The following HYPK variants were observed in gnomAD, a reference collection of about 807,000 sequenced individuals.
HYPK encodes the protein huntingtin interacting protein K, also known as huntingtin-interacting protein K.
A neutral mutation model predicts 13.9 loss-of-function variants in HYPK; 9 were observed. That is an observed-to-expected ratio of 0.65 (90% confidence interval 0.39 to 1.13). The LOEUF is 1.13. Ranked by LOEUF, HYPK falls within the 50% of genes most tolerant of loss-of-function variation. HYPK has a pLI of 0.01. For synonymous variants in HYPK, 76 were observed against 57.0 expected (o/e 1.33, Z -1.50); for missense variants, 138 against 157.6 (o/e 0.88, Z 0.67).
rs2087346441 is a variant in HYPK at position 43,804,130 on chromosome 15, T to C, written c.*2324T>C. On this transcript the variant is annotated 3_prime_UTR_variant, in exon 4 of 4. Transcript: ENST00000442995. Reference sequence around the variant, plus strand: ...AAAAAAAAAACCCTGCAACGGCCCCTGAGTCTGCTGTAAGGACACTCAAAT... The same window carrying C: ...AAAAAAAAAACCCTGCAACGGCCCCCGAGTCTGCTGTAAGGACACTCAAAT... Among the ~76,000 whole-genome samples the C allele has an allele frequency of 6.6e-6, 1 of 151,668 alleles. No individual in the cohort carries two copies. The highest frequency in any genetic ancestry group is 1.5e-5 in the Non-Finnish European group (1 of 67,898).
At chr15:43,800,510 C>A, upstream of HYPK, 4 of 1,368,060 alleles carry the variant, frequency 2.9e-6, no homozygotes, top group South Asian at 4.9e-5. Flanking sequence ...AGAACTGGAG[C>A]AGAAAGAAGG....
upstream of HYPK, chr15:43,800,465 CTG>C: frequency 1.0e-6 from 1 of 1,004,022 alleles, no homozygotes; most frequent in Non-Finnish European, 1.5e-6. Context: ...GAAAGGAAGT[CTG>C]AGAGACGAAC....
Position 43,804,065 on chromosome 15 carries a change from C to A in HYPK, c.*2259C>A, listed in dbSNP as rs1320344973. Among the ~76,000 whole-genome samples, 1 of 151,848 alleles carries A rather than the reference C, an allele frequency of 6.6e-6. No homozygotes were observed. The highest frequency in any genetic ancestry group is 2.4e-5 in the African/African-American group (1 of 41,314). On this transcript the variant is annotated 3_prime_UTR_variant, in exon 4 of 4. Transcript: ENST00000442995. ...ACTCGGGAGGCTGAGGCACTCTAGC[C>A]TGGGCAACAGAGCCGTCTCTTTAAA...
upstream of HYPK, chr15:43,800,451 AC>A: frequency 1.1e-6 from 1 of 886,286 alleles, no homozygotes. Context: ...CACTGTACAA[AC>A]CCGAAAGGAA....
In HYPK at chr15:43,803,734, G is replaced by A. The variant is rs902931230; in HGVS notation, c.*1928G>A. Among the ~76,000 whole-genome samples the A allele has an allele frequency of 3.4e-5, 5 of 144,986 alleles. No individual in the cohort carries two copies. The highest frequency in any genetic ancestry group is 1.3e-4 in the African/African-American group (5 of 38,994). On this transcript the variant is annotated 3_prime_UTR_variant, in exon 4 of 4. Transcript: ENST00000442995. ...TCTTGAACCCAGGAGGTTGCAGTGAGCAGAGATCGCGCCACTGCACTCCAG... is the reference window on the plus strand; with the variant it reads ...TCTTGAACCCAGGAGGTTGCAGTGAACAGAGATCGCGCCACTGCACTCCAG...
chr15:43,801,309 A>G, intron 2 of HYPK, 122 bp downstream of exon 2: 2 of 960,360 alleles, frequency 2.1e-6, no homozygotes. Flanking sequence ...CTGCAGATCT[A>G]GGCGCCACAA....
chr15:43,801,455 C>T (rs1338759524), intron 2 of HYPK, 63 bp from the exon 3 acceptor site: 7 of 1,393,320 alleles, frequency 5.0e-6, no homozygotes, highest in Middle Eastern at 1.8e-4. Flanking sequence ...TGGGAATGAC[C>T]CTTCCTGGGA....
chr15:43,800,567 C>G (rs759993007), upstream of HYPK: 5 of 1,610,476 alleles, frequency 3.1e-6, no homozygotes, highest in African/African-American at 5.3e-5. Context: ...GAAGCTGTGT[C>G]AGTTGCCGGA....
In HYPK at chr15:43,803,379, C is replaced by G. The variant is rs1178180646; in HGVS notation, c.*1573C>G. Among the ~76,000 whole-genome samples the G allele has an allele frequency of 2.6e-5, 4 of 151,932 alleles. No homozygotes were observed. The highest frequency in any genetic ancestry group is 7.2e-5 in the African/African-American group (3 of 41,474). ...CTGCACTCCAGCCTGGGCGACAGAG[C>G]AAGACTGTCTCAAAACGAAAAAAAC... is the stretch of plus-strand genomic sequence containing the variant. On this transcript the variant is annotated 3_prime_UTR_variant, in exon 4 of 4. Coordinates refer to ENST00000442995, the MANE Select transcript of HYPK (RefSeq NM_016400.4).
In HYPK at chr15:43,803,232, TAA is replaced by T. The variant is rs113386586; in HGVS notation, c.*1438_*1439del. ...AGCATGACCTTGTCTCTACTAAAAT[TAA>T]AAAAAAAAAAAGCCAGGCATGGTGG... On this transcript the variant is annotated 3_prime_UTR_variant, in exon 4 of 4. Transcript: ENST00000442995. 8.7e-6 allele frequency among the ~76,000 whole-genome samples: 1 copy of T among 114,638 alleles called. No individual in the cohort carries two copies. The allele number at this position is 114,638 out of a possible 152,430, so 75.2% of individuals were successfully genotyped here. A position where few individuals can be genotyped will look rare whatever the true frequency, so the allele number is the denominator to read the frequency against.
In HYPK at chr15:43,803,452, C is replaced by A. The variant is rs2087339869; in HGVS notation, c.*1646C>A. On this transcript the variant is annotated 3_prime_UTR_variant, in exon 4 of 4. Coordinates refer to ENST00000442995, the MANE Select transcript of HYPK (RefSeq NM_016400.4). ...TTCAAATTCTAAGCCATAATACATTCTACATGCCATTTCCTATCCTAGAGA... is the reference window on the plus strand; with the variant it reads ...TTCAAATTCTAAGCCATAATACATTATACATGCCATTTCCTATCCTAGAGA... 6.6e-6 allele frequency among the ~76,000 whole-genome samples: 1 copy of A among 152,014 alleles called. No individual in the cohort carries two copies. Among genetic ancestry groups the A allele is most frequent in the East Asian group, 1.9e-4 (1 of 5,162 alleles).
Position 43,801,978 on chromosome 15 carries a change from C to T in HYPK, c.*172C>T. 3.3e-6 allele frequency: 2 copies of T among 614,528 alleles called. No homozygotes were observed. Among genetic ancestry groups the T allele is most frequent in the Non-Finnish European group, 5.7e-6 (2 of 350,772 alleles). 38.1% of individuals were successfully genotyped at this position (614,528 alleles called of 1,614,324 possible). On this transcript the variant is annotated 3_prime_UTR_variant, in exon 4 of 4. Coordinates refer to ENST00000442995, the MANE Select transcript of HYPK (RefSeq NM_016400.4). ...TTAAGTGACCCATTAAAATCTAGCACACCTGTATGAAAAATCAGTGTAGAA... is the reference window on the plus strand; with the variant it reads ...TTAAGTGACCCATTAAAATCTAGCATACCTGTATGAAAAATCAGTGTAGAA...
chr15:43,804,100 CAAACA>C lies in HYPK; in HGVS notation c.*2298_*2302del, dbSNP rs1038552106. 9.8e-5 allele frequency among the ~76,000 whole-genome samples: 14 copies of C among 142,544 alleles called. No homozygotes were observed. Among genetic ancestry groups the C allele is most frequent in the Non-Finnish European group, 1.9e-4 (13 of 67,214 alleles). The allele number at this position is 142,544 out of a possible 152,430, so 93.5% of individuals were successfully genotyped here. A position where few individuals can be genotyped will look rare whatever the true frequency, so the allele number is the denominator to read the frequency against. Reference sequence around the variant, plus strand: ...GAGCCGTCTCTTTAAAACAAACAAACAAACAAAAAAAAAACCCTGCAACGGCCCCT... The same window carrying C: ...GAGCCGTCTCTTTAAAACAAACAAACAAAAAAAAACCCTGCAACGGCCCCT... On this transcript the variant is annotated 3_prime_UTR_variant, in exon 4 of 4. Transcript: ENST00000442995.
Position 43,803,003 on chromosome 15 carries a change from A to G in HYPK, c.*1197A>G. On this transcript the variant is annotated 3_prime_UTR_variant, in exon 4 of 4. Transcript: ENST00000442995. ...CAGCAGTTTGAGACCAGCTTGGGCA[A>G]CACAGTGAGATTTCGTCTCTACCGC... 6.6e-6 allele frequency: 1 copy of G among 151,918 alleles called. No homozygotes were observed. The highest frequency in any genetic ancestry group is 1.9e-4 in the East Asian group (1 of 5,156). The allele number at this position is 151,918 out of a possible 1,614,324, so 9.4% of individuals were successfully genotyped here.
Position 43,801,756 on chromosome 15 carries a change from C to G in HYPK, c.316C>G (p.Arg106Gly), listed in dbSNP as rs202106711. ...TCGAGCAGCAGCAGAACGCAGTTTG[C>G]GGGAACACATGGGCAACGTGGTAGA... ...ISRAAAERSLREHMGNVVEAL... is the reference protein window; with the variant it reads ...ISRAAAERSLGEHMGNVVEAL... Residue 106 changes from arginine to glycine, a missense_variant, in exon 4 of 4, where the codon CGG (arginine) becomes GGG (glycine). Arg to Gly is a moderately radical substitution (Grantham distance 125). Around this residue, in one of 3 missense-constraint regions of HYPK, gnomAD observed 91 missense variants for 96.8 expected, o/e 0.94. Transcript: ENST00000442995. 1 of 1,614,184 alleles carries G rather than the reference C, an allele frequency of 6.2e-7. No individual in the cohort carries two copies. Among genetic ancestry groups the G allele is most frequent in the Non-Finnish European group, 8.5e-7 (1 of 1,180,030 alleles).
chr15:43,802,180 T>C lies in HYPK; in HGVS notation c.*374T>C. ...AGCTACCTGCCTAGGAGCCACTATATATATAGATAGATGTAGGTTATGAAC... is the reference window on the plus strand; with the variant it reads ...AGCTACCTGCCTAGGAGCCACTATACATATAGATAGATGTAGGTTATGAAC... On this transcript the variant is annotated 3_prime_UTR_variant, in exon 4 of 4. Transcript: ENST00000442995. 5.0e-6 allele frequency: 1 copy of C among 201,088 alleles called. No homozygotes were observed. Among genetic ancestry groups the C allele is most frequent in the Non-Finnish European group, 1.0e-5 (1 of 96,134 alleles). The allele number at this position is 201,088 out of a possible 1,614,324, so 12.5% of individuals were successfully genotyped here. A position where few individuals can be genotyped will look rare whatever the true frequency, so the allele number is the denominator to read the frequency against.
upstream of HYPK, chr15:43,800,465 C>G (rs373192065): frequency 1.0e-6 from 1 of 1,004,022 alleles, no homozygotes; most frequent in Admixed American, 2.0e-5. Context: ...GAAAGGAAGT[C>G]TGAGAGACGA....
In HYPK at chr15:43,800,676, A is replaced by G; in HGVS notation, c.54A>G (p.Pro18=). ...AGTTGGAGACTGAGACCAGTGGACC[A>G]GAGCGGCCTCCGGAGAAGCCACGGA... ...ELELETETSG[P]ERPPEKPRKH... is the part of the protein sequence containing the mutation. Residue 18 remains proline (P), a synonymous_variant, in exon 1 of 4, where the codon CCA becomes CCG. Coordinates refer to ENST00000442995, the MANE Select transcript of HYPK (RefSeq NM_016400.4). 6.2e-7 allele frequency: 1 copy of G among 1,614,178 alleles called. No individual in the cohort carries two copies. The highest frequency in any genetic ancestry group is 1.3e-5 in the African/African-American group (1 of 75,060).
rs1322074660 is a variant in HYPK, at chr15:43,804,319, A to G, written c.*2513A>G. 6.6e-6 allele frequency among the ~76,000 whole-genome samples: 1 copy of G among 152,052 alleles called. No homozygotes were observed. Among genetic ancestry groups the G allele is most frequent in the Non-Finnish European group, 1.5e-5 (1 of 68,010 alleles). On this transcript the variant is annotated 3_prime_UTR_variant, in exon 4 of 4. Coordinates refer to ENST00000442995, the MANE Select transcript of HYPK (RefSeq NM_016400.4). ...TTTGCATTCATTTTTATCGTACGACACTAAACTATTTGATTCTTCCAGTGG... is the reference window on the plus strand; with the variant it reads ...TTTGCATTCATTTTTATCGTACGACGCTAAACTATTTGATTCTTCCAGTGG...
Sources: gnomAD v4.1 joint callset for allele counts (sites outside exome capture counted in the v4.1 genomes callset) on GRCh38, gnomAD v4.1.1 for gene constraint, gnomAD v4.1.1 regional missense constraint, MANE v1.5 for transcripts, NCBI Gene and HGNC (gene_info 2026-07-23, HGNC 2026-07-21) for gene names.